Variants in SIAH3 observed in about 807,000 individuals in gnomAD.
SIAH3 encodes siah E3 ubiquitin protein ligase family member 3.
Under a neutral mutation model 12.6 loss-of-function variants are expected in SIAH3, and 9 were observed. That is an observed-to-expected ratio of 0.72 (90% CI 0.43 to 1.25). SIAH3 has a LOEUF of 1.25. Among genes scored for constraint, SIAH3 ranks in the 50% most tolerant of loss-of-function variants. The pLI, the probability that SIAH3 is intolerant of heterozygous loss-of-function variation, is 0.00. For synonymous variants in SIAH3, 154 were observed against 151.1 expected (o/e 1.02, Z -0.14); for missense variants, 390 against 365.4 (o/e 1.07, Z -0.55).
rs58273504 is a variant in SIAH3, at chr13:45,801,100, G to GC, written c.136-17044_136-17043insG. On this transcript the variant is annotated intron_variant, in intron 1 of 1. Coordinates refer to ENST00000400405, the MANE Select transcript of SIAH3 (RefSeq NM_198849.3). ...CTGGGTGAAGTGATGGGTGGCGGGGGGGGGCATGGCTGTAGACGTTGCTAT... is the reference window on the plus strand; with the variant it reads ...CTGGGTGAAGTGATGGGTGGCGGGGGCGGGGCATGGCTGTAGACGTTGCTAT... Among the ~76,000 whole-genome samples, 770 of 144,546 alleles carry GC rather than the reference G, an allele frequency of 5.3e-3. 7 individuals carry two copies. The highest frequency in any genetic ancestry group is 0.02 in the African/African-American group (731 of 36,190). 94.8% of individuals were successfully genotyped at this position (144,546 alleles called of 152,430 possible). A position where few individuals can be genotyped will look rare whatever the true frequency, so the allele number is the denominator to read the frequency against.
chr13:45,823,164 G>A (rs1046537742), intron 1 of SIAH3, among the ~76,000 whole-genome samples: 1 of 152,094 alleles, frequency 6.6e-6, no homozygotes, highest in Non-Finnish European at 1.5e-5. Flanking sequence ...TTCTCATGAC[G>A]CTTTAGAGTG....
chr13:45,821,205 G>A (rs773596493), intron 1 of SIAH3, among the ~76,000 whole-genome samples: 1 of 152,184 alleles, frequency 6.6e-6, no homozygotes, highest in Non-Finnish European at 1.5e-5. Context: ...AACAGACATA[G>A]ACACATAGAA....
intron 1 of SIAH3, among the ~76,000 whole-genome samples, chr13:45,819,203 A>G (rs1950646088): frequency 6.6e-6 from 1 of 152,236 alleles, no homozygotes; most frequent in South Asian, 2.1e-4. Flanking sequence ...CCCTGCTGTC[A>G]CCAAATCATC....
chr13:45,833,353 C>A (rs528761941), intron 1 of SIAH3, among the ~76,000 whole-genome samples: 92 of 152,266 alleles, frequency 6.0e-4, no homozygotes, highest in African/African-American at 2.2e-3. Flanking sequence ...CTCCCAGGGC[C>A]CTCAGGCTAT....
At chr13:45,793,609 C>T (rs531679535) in intron 1 of SIAH3, among the ~76,000 whole-genome samples, 6 of 152,252 alleles carry the variant, frequency 3.9e-5, no homozygotes, top group South Asian at 2.1e-4. Context: ...GGTAGGTACC[C>T]GGGAAGTATG....
chr13:45,784,471 A>AT (rs60025873), intron 1 of SIAH3, among the ~76,000 whole-genome samples: 1,302 of 128,066 alleles, frequency 0.01, 20 homozygotes, highest in African/African-American at 0.033. Context: ...AGGTCAATAG[A>AT]TTTTTTTTTT....
intron 1 of SIAH3, among the ~76,000 whole-genome samples, chr13:45,806,330 T>C (rs1950598180): frequency 6.6e-6 from 1 of 152,116 alleles, no homozygotes; most frequent in Non-Finnish European, 1.5e-5. Flanking sequence ...TCCCCATCAA[T>C]GGTGGACTGG....
At chr13:45,789,488 C>T (rs1950539317) in intron 1 of SIAH3, among the ~76,000 whole-genome samples, 1 of 152,132 alleles carries the variant, frequency 6.6e-6, no homozygotes, top group Non-Finnish European at 1.5e-5. Context: ...CTCACTGCAA[C>T]CTCCACCTCC....
chr13:45,822,013 C>T (rs1035638899), intron 1 of SIAH3, among the ~76,000 whole-genome samples: 4 of 152,106 alleles, frequency 2.6e-5, no homozygotes, highest in African/African-American at 9.7e-5. Context: ...CCTGTGGGTC[C>T]CCGGCAGGAC....
At chr13:45,800,021 T>C (rs1950576044) in intron 1 of SIAH3, among the ~76,000 whole-genome samples, 1 of 152,222 alleles carries the variant, frequency 6.6e-6, no homozygotes, top group South Asian at 2.1e-4. Flanking sequence ...TGATGACATA[T>C]TGTTTTTAAA....
chr13:45,785,804 T>C (rs1345972398), intron 1 of SIAH3, among the ~76,000 whole-genome samples: 2 of 152,154 alleles, frequency 1.3e-5, no homozygotes, highest in Admixed American at 6.5e-5. Context: ...TCTGCTGTCC[T>C]CCATCCTGCA....
At position 45,783,500 on chromosome 13, in the gene SIAH3, G is replaced by A. The variant is rs1252255683; in HGVS notation, c.693C>T (p.Asp231=). Residue 231 remains aspartate (D), a synonymous_variant, in exon 2 of 2, where the codon GAC becomes GAT. Coordinates refer to ENST00000400405, the MANE Select transcript of SIAH3 (RefSeq NM_198849.3). ...VLECVDSVIT[D]GDCLVLNTSL... ...AGGTGTTGAGGACGAGGCAGTCCCC[G>A]TCCGTAATCACCGAGTCCACGCACT... 1.9e-6 allele frequency: 3 copies of A among 1,614,202 alleles called. No individual in the cohort carries two copies. The South Asian group carries it at 3.3e-5, about 18-fold the overall frequency.
chr13:45,824,081 G>A lies in SIAH3; in HGVS notation c.135+27414C>T, dbSNP rs150693960. On this transcript the variant is annotated intron_variant, in intron 1 of 1. Transcript: ENST00000400405. Reference sequence around the variant, plus strand: ...CATTTTAGGCCTTACAAAGGTCAAAGATCCATTCTCATCTGTTTAATCTTC... The same window carrying A: ...CATTTTAGGCCTTACAAAGGTCAAAAATCCATTCTCATCTGTTTAATCTTC... Among the ~76,000 whole-genome samples the A allele has an allele frequency of 3.9e-3, 596 of 152,314 alleles. 10 individuals carry two copies. Among genetic ancestry groups the A allele is most frequent in the South Asian group, 0.033 (158 of 4,826 alleles).
chr13:45,792,012 G>A lies in SIAH3; in HGVS notation c.136-7955C>T, dbSNP rs569182552. On this transcript the variant is annotated intron_variant, in intron 1 of 1. Coordinates refer to ENST00000400405, the MANE Select transcript of SIAH3 (RefSeq NM_198849.3). ...CAGCTGTCCCTACCCATGAGATGAG[G>A]AGCTAAAGGGTTGTACCCACACAGA... 4.6e-5 allele frequency among the ~76,000 whole-genome samples: 7 copies of A among 152,138 alleles called. No homozygotes were observed. In the East Asian group the frequency reaches 1.2e-3, roughly 25 times the overall value.
rs890213877 is a variant in SIAH3 at position 45,782,574 on chromosome 13, C to T, written c.*809G>A. 4 of 152,168 alleles carry T rather than the reference C, an allele frequency of 2.6e-5. No homozygotes were observed. Among genetic ancestry groups the T allele is most frequent in the African/African-American group, 9.7e-5 (4 of 41,410 alleles). The allele number at this position is 152,168 out of a possible 1,614,324, so 9.4% of individuals were successfully genotyped here. ...TCCTGTTGCTTTTCATCCCCACCCC[C>T]CATCTTGCCTATTCTTTTCTACTAC... is the stretch of plus-strand genomic sequence containing the variant. On this transcript the variant is annotated 3_prime_UTR_variant, in exon 2 of 2. Coordinates refer to ENST00000400405, the MANE Select transcript of SIAH3 (RefSeq NM_198849.3).
intron 1 of SIAH3, among the ~76,000 whole-genome samples, chr13:45,802,278 C>T (rs1234344796): frequency 1.3e-5 from 2 of 152,134 alleles, no homozygotes; most frequent in East Asian, 1.9e-4. Flanking sequence ...TGCTCTCCAG[C>T]CTGGGTGACA....
chr13:45,850,140 CAGAG>C (rs928115178), intron 1 of SIAH3, among the ~76,000 whole-genome samples: 1 of 152,172 alleles, frequency 6.6e-6, no homozygotes, highest in Non-Finnish European at 1.5e-5. Flanking sequence ...GCTGGGATAT[CAGAG>C]AGAGTCAGAT....
intron 1 of SIAH3, among the ~76,000 whole-genome samples, chr13:45,806,659 C>A (rs906115452): frequency 6.6e-6 from 1 of 152,156 alleles, no homozygotes; most frequent in Non-Finnish European, 1.5e-5. Context: ...ATATACCAAG[C>A]CTTAGTGACA....
intron 1 of SIAH3, among the ~76,000 whole-genome samples, chr13:45,826,476 G>C (rs1298983793): frequency 2.2e-5 from 3 of 136,418 alleles, no homozygotes; most frequent in South Asian, 2.8e-4. Flanking sequence ...TGGATGGATG[G>C]ATGGATGGAT....
Sources: gnomAD v4.1 joint callset for allele counts (sites outside exome capture counted in the v4.1 genomes callset) on GRCh38, gnomAD v4.1.1 for gene constraint, MANE v1.5 for transcripts, NCBI Gene and HGNC (gene_info 2026-07-23, HGNC 2026-07-21) for gene names.